SIAE: variants seen among roughly 807,000 people sequenced by gnomAD.
SIAE encodes the protein sialate O-acetylesterase.
In SIAE, 39 loss-of-function variants were observed where a neutral mutation model predicts 52.6. That is an observed-to-expected ratio of 0.74 (90% confidence interval 0.57 to 0.97). The LOEUF (loss-of-function observed/expected upper bound fraction) is 0.97. Ranked by LOEUF, SIAE falls within the 50% of genes least tolerant of loss-of-function variation. SIAE has a pLI of 0.00. For synonymous variants in SIAE, 233 were observed against 241.4 expected, an observed-to-expected ratio of 0.97 and a Z score of 0.32; for missense variants, 592 against 662.1, an observed-to-expected ratio of 0.89 and a Z score of 1.16.
At chr11:124,648,919 C>G (rs965477433) in intron 5 of SIAE, among the ~76,000 whole-genome samples, 25 of 152,306 alleles carry the variant, frequency 1.6e-4, no homozygotes, top group African/African-American at 5.8e-4. Context: ...GCCCATCCTC[C>G]TCCCACAGGG....
chr11:124,666,945 T>G (rs1309497656), intron 2 of SIAE, among the ~76,000 whole-genome samples: 1 of 152,194 alleles, frequency 6.6e-6, no homozygotes, highest in East Asian at 1.9e-4. Flanking sequence ...GCCTCATCTC[T>G]GCCCACCTCA....
At chr11:124,656,701 GT>G (rs1038969326) in intron 3 of SIAE, among the ~76,000 whole-genome samples, 1 of 151,130 alleles carries the variant, frequency 6.6e-6, no homozygotes, top group Non-Finnish European at 1.5e-5. Flanking sequence ...TTTTGTTTTT[GT>G]TTTTTTTTAT....
Position 124,636,745 on chromosome 11 carries a change from C to CCAA in SIAE, c.*203_*205dup, listed in dbSNP as rs1790779522. ...AATTAGTCCAATACAGACCCTTAGA[C>CCAA]CAACTAGGGAACAAAAAGCAAGCAT... On this transcript the variant is annotated 3_prime_UTR_variant, in exon 10 of 10. Coordinates refer to ENST00000263593, the MANE Select transcript of SIAE (RefSeq NM_170601.5). 2 of 679,598 alleles carry CCAA rather than the reference C, an allele frequency of 2.9e-6. No homozygotes were observed. The highest frequency in any genetic ancestry group is 5.3e-5 in the Admixed American group (2 of 37,402). 42.1% of individuals were successfully genotyped at this position (679,598 alleles called of 1,614,324 possible). A position where few individuals can be genotyped will look rare whatever the true frequency, so the allele number is the denominator to read the frequency against.
At position 124,654,637 on chromosome 11, in the gene SIAE, G is replaced by A. The variant is rs7935148; in HGVS notation, c.544+18C>T. Reference sequence around the variant, plus strand: ...TAACCCATTATATAAGAGACAGCACGTTCAAGCCGTCACATACCTGAGGTG... The same window carrying A: ...TAACCCATTATATAAGAGACAGCACATTCAAGCCGTCACATACCTGAGGTG... On this transcript the variant is annotated intron_variant, in intron 4 of 9. Transcript: ENST00000263593. 4.1e-3 allele frequency: 6,623 copies of A among 1,613,978 alleles called. 261 individuals are homozygous for A. In the African/African-American group the frequency reaches 0.077, roughly 19 times the overall value.
Position 124,654,358 on chromosome 11 carries a change from T to A in SIAE, c.544+297A>T, listed in dbSNP as rs547913652. 1.3e-3 allele frequency: 1,272 copies of A among 985,018 alleles called. 1 individual carries two copies. The highest frequency in any genetic ancestry group is 1.4e-3 in the Non-Finnish European group (1,192 of 829,860). 61.0% of individuals were successfully genotyped at this position (985,018 alleles called of 1,614,324 possible). ...GACAAGGGAAGAAAGAAGAGAGGAT[T>A]TGGAGTGAAGGCATCGGCGAGAGAT... On this transcript the variant is annotated intron_variant, in intron 4 of 9. Coordinates refer to ENST00000263593, the MANE Select transcript of SIAE (RefSeq NM_170601.5).
At chr11:124,646,811 G>A (rs746825552) in intron 7 of SIAE, among the ~76,000 whole-genome samples, 2 of 152,118 alleles carry the variant, frequency 1.3e-5, no homozygotes, top group African/African-American at 2.4e-5. Context: ...AAAGCAAAAC[G>A]TTTAAAACAA....
intron 3 of SIAE, among the ~76,000 whole-genome samples, chr11:124,656,894 CGCT>C (rs1174268085): frequency 6.6e-6 from 1 of 152,130 alleles, no homozygotes. Flanking sequence ...TTCCATTGGC[CGCT>C]GGTCACAGAG....
rs1942667726 is a variant in SIAE, at chr11:124,634,099, C to G, written c.*2852G>C. The G allele has an allele frequency of 1.3e-5, 2 of 152,208 alleles. No homozygotes were observed. The highest frequency in any genetic ancestry group is 4.8e-5 in the African/African-American group (2 of 41,432). 9.4% of individuals were successfully genotyped at this position (152,208 alleles called of 1,614,324 possible). A position where few individuals can be genotyped will look rare whatever the true frequency, so the allele number is the denominator to read the frequency against. The stretch of plus-strand genomic sequence containing the variant: ...GTGGCTCACGCCTGTAATCCCAGCA[C>G]TTTGGGAGGCTGAGGCGGGTGGATC... On this transcript the variant is annotated 3_prime_UTR_variant, in exon 10 of 10. Coordinates refer to ENST00000263593, the MANE Select transcript of SIAE (RefSeq NM_170601.5).
chr11:124,652,005 GA>G (rs1280509933), intron 4 of SIAE, among the ~76,000 whole-genome samples: 1 of 152,030 alleles, frequency 6.6e-6, no homozygotes, highest in Non-Finnish European at 1.5e-5. Context: ...CAAGGCAGAA[GA>G]AAAAATACGT....
rs1398138429 is a variant in SIAE, at chr11:124,636,556, T to TA, written c.*394dup. The stretch of plus-strand genomic sequence containing the variant: ...TAGTACTTGGATGGGAGAAATTTTA[T>TA]AAAGAACACATGAACACTAGCTGGC... On this transcript the variant is annotated 3_prime_UTR_variant, in exon 10 of 10. Transcript: ENST00000263593. 1.1e-5 allele frequency: 3 copies of TA among 283,406 alleles called. No homozygotes were observed. The highest frequency in any genetic ancestry group is 6.6e-5 in the African/African-American group (3 of 45,620). The allele number at this position is 283,406 out of a possible 1,614,324, so 17.6% of individuals were successfully genotyped here. A position where few individuals can be genotyped will look rare whatever the true frequency, so the allele number is the denominator to read the frequency against.
At chr11:124,652,924 G>T (rs1218571727) in intron 4 of SIAE, among the ~76,000 whole-genome samples, 1 of 152,044 alleles carries the variant, frequency 6.6e-6, no homozygotes, top group African/African-American at 2.4e-5. Flanking sequence ...AACCTATCCT[G>T]TGATATCCAC....
chr11:124,661,103 T>C (rs1226326669), intron 2 of SIAE, among the ~76,000 whole-genome samples: 1 of 152,222 alleles, frequency 6.6e-6, no homozygotes, highest in East Asian at 1.9e-4. Flanking sequence ...AAGAGTTTAA[T>C]AGAAAACATA....
chr11:124,648,028 A>C, intron 6 of SIAE, 38 bp downstream of exon 6: 2 of 1,495,350 alleles, frequency 1.3e-6, no homozygotes, highest in Non-Finnish European at 1.9e-6. Context: ...AGCAAACGCT[A>C]TCTGATACAA....
In SIAE at chr11:124,636,921, T is replaced by C. The variant is rs190890235; in HGVS notation, c.*30A>G. 1.4e-5 allele frequency: 22 copies of C among 1,614,062 alleles called. No homozygotes were observed. In the African/African-American group the frequency reaches 2.7e-4, roughly 20 times the overall value. On this transcript the variant is annotated 3_prime_UTR_variant, in exon 10 of 10. Transcript: ENST00000263593. ...TGCTAAAATCTGAAGGACCCATCCT[T>C]ATATCTAAGTTCTGATCATACTGAA...
intron 5 of SIAE, among the ~76,000 whole-genome samples, chr11:124,649,303 AATAAT>A (rs1327930157): frequency 6.7e-6 from 1 of 149,934 alleles, no homozygotes; most frequent in Non-Finnish European, 1.5e-5. Flanking sequence ...ATTAATATAT[AATAAT>A]ATATATTCAA....
At position 124,669,412 on chromosome 11, in the gene SIAE, C is replaced by T. The variant is rs1223292057; in HGVS notation, c.177G>A (p.Val59=). The T allele has an allele frequency of 6.2e-7, 1 of 1,614,200 alleles. No individual in the cohort carries two copies. Among genetic ancestry groups the T allele is most frequent in the Non-Finnish European group, 8.5e-7 (1 of 1,180,040 alleles). The part of the protein sequence containing the change: ...GFGTPGATVT[V]TLRQGQETIM... ...TGGTTTCCTGACCTTGGCGCAGGGT[C>T]ACGGTCACTGTGGCTCCAGGTGTAC... The change falls in exon 2 of 10, where the codon GTG becomes GTA. Residue 59 remains valine, a synonymous_variant. Coordinates refer to ENST00000263593, the MANE Select transcript of SIAE (RefSeq NM_170601.5).
At chr11:124,640,048 T>G (rs141299367) in intron 7 of SIAE, among the ~76,000 whole-genome samples, 181 bp from the exon 8 acceptor site, 1 of 152,300 alleles carries the variant, frequency 6.6e-6, no homozygotes, top group African/African-American at 2.4e-5. Flanking sequence ...GTCCCTCTCA[T>G]CCCATGTGCC....
At chr11:124,637,486 C>A (rs1273672594) in intron 9 of SIAE, among the ~76,000 whole-genome samples, 1 of 152,190 alleles carries the variant, frequency 6.6e-6, no homozygotes, top group Non-Finnish European at 1.5e-5. Flanking sequence ...GGGAAGGCTG[C>A]TCCCCTGAAC....
In SIAE at chr11:124,645,578, A is replaced by T. The variant is rs1254853449; in HGVS notation, c.966+1787T>A. On this transcript the variant is annotated intron_variant, in intron 7 of 9. Transcript: ENST00000263593. This position sits in a 1 kb window ranked among gnomAD's most constrained non-coding sequence, Gnocchi z 4.7. The stretch of plus-strand genomic sequence containing the variant: ...GGCCTCCCAGAGTGCTGGGATTACA[A>T]GCGTGAGCCACCAAGCCCGGCCTGA... Among the ~76,000 whole-genome samples, 1 of 152,108 alleles carries T rather than the reference A, an allele frequency of 6.6e-6. No homozygotes were observed. Among genetic ancestry groups the T allele is most frequent in the Non-Finnish European group, 1.5e-5 (1 of 68,024 alleles).
Sources: allele counts gnomAD v4.1 joint callset (sites outside exome capture counted in the v4.1 genomes callset), GRCh38; gene constraint gnomAD v4.1.1; non-coding constraint Gnocchi (gnomAD v3.1); transcripts MANE v1.5; gene names NCBI Gene and HGNC (gene_info 2026-07-23, HGNC 2026-07-21).